CHN2: variants seen among roughly 807,000 people sequenced by gnomAD.
The protein encoded by CHN2 is chimerin 2, also known as beta-chimaerin.
Under a neutral mutation model 56.3 loss-of-function variants are expected in CHN2, and 35 were observed. The observed-to-expected ratio is 0.62, with a 90% CI of 0.47 to 0.82. The LOEUF (loss-of-function observed/expected upper bound fraction) is 0.82, where lower values mean the gene tolerates loss of function less well. Ranked by LOEUF, CHN2 falls within the 40% of genes least tolerant of loss-of-function variation. The pLI, the probability that CHN2 is intolerant of heterozygous loss-of-function variation, is 0.00. For synonymous variants in CHN2, 210 were observed against 212.8 expected (o/e 0.99, Z 0.12); for missense variants, 491 against 580.5 (o/e 0.85, Z 1.58).
intron 6 of CHN2, among the ~76,000 whole-genome samples, chr7:29,403,994 C>A (rs1029640186): frequency 6.6e-6 from 1 of 152,100 alleles, no homozygotes; most frequent in South Asian, 2.1e-4. Flanking sequence ...TTGCCAGGTC[C>A]GTAGGGCAGG....
Position 29,499,931 on chromosome 7 carries a change from CAA to C in CHN2, c.805_806del (p.Lys269GlufsTer9). 4 of 1,612,842 alleles carry C rather than the reference CAA, an allele frequency of 2.5e-6. No individual in the cohort carries two copies. The highest frequency in any genetic ancestry group is 3.4e-6 in the Non-Finnish European group (4 of 1,179,610). ...HVPNDCQPDL[K>X]RIKKVYCCDL... ...TTCCCAATGACTGCCAACCTGATCT[CAA>C]GAGGATCAAGAAAGTGTACTGTTGT... On this transcript the variant is annotated frameshift_variant, in exon 9 of 13. Transcript: ENST00000222792. LOFTEE classifies it high-confidence loss of function.
chr7:29,214,656 A>G (rs1785207276), intron 1 of CHN2, among the ~76,000 whole-genome samples: 2 of 152,218 alleles, frequency 1.3e-5, no homozygotes, highest in South Asian at 4.1e-4. Context: ...TCATTTCTGA[A>G]GATGATTAAT....
At chr7:29,266,310 A>G (rs1790141490) in intron 1 of CHN2, among the ~76,000 whole-genome samples, 1 of 152,226 alleles carries the variant, frequency 6.6e-6, no homozygotes, top group Non-Finnish European at 1.5e-5. Context: ...GTCAACACCG[A>G]CAAAGGGTCT....
chr7:29,454,690 C>T (rs1368615393), intron 6 of CHN2, among the ~76,000 whole-genome samples: 1 of 152,176 alleles, frequency 6.6e-6, no homozygotes, highest in Non-Finnish European at 1.5e-5. Flanking sequence ...AAAATGACAC[C>T]TATCACTATT....
chr7:29,276,827 G>T (rs1791261763), intron 1 of CHN2, among the ~76,000 whole-genome samples: 1 of 152,132 alleles, frequency 6.6e-6, no homozygotes, highest in African/African-American at 2.4e-5. Flanking sequence ...ACAGGTAGAG[G>T]ACTGGTATGG....
chr7:29,353,761 A>G (rs563941045), intron 1 of CHN2, among the ~76,000 whole-genome samples: 21 of 152,354 alleles, frequency 1.4e-4, no homozygotes, highest in African/African-American at 5.1e-4. Flanking sequence ...AAAGGTGCTG[A>G]ACTAGAGAAC....
intron 1 of CHN2, among the ~76,000 whole-genome samples, chr7:29,230,158 A>G (rs1194961697): frequency 1.3e-5 from 2 of 152,028 alleles, no homozygotes; most frequent in Non-Finnish European, 2.9e-5. Flanking sequence ...AAAATTGCCA[A>G]ATTTGCTTTA....
rs1358782226 is a variant in CHN2, at chr7:29,277,998, A to G, written c.50-76627A>G. ...GTAGAGGGGTTGAGTGTGTGCAGTC[A>G]TATAGCGAGTATGTGGTAGAGTGAA... On this transcript the variant is annotated intron_variant, in intron 1 of 12. Coordinates refer to ENST00000222792, the MANE Select transcript of CHN2 (RefSeq NM_004067.4). Among the ~76,000 whole-genome samples, 4 of 152,140 alleles carry G rather than the reference A, an allele frequency of 2.6e-5. No individual in the cohort carries two copies. In the East Asian group the frequency reaches 7.7e-4, roughly 29 times the overall value.
intron 4 of CHN2, among the ~76,000 whole-genome samples, chr7:29,395,544 G>T (rs1801677165): frequency 6.6e-6 from 1 of 152,042 alleles, no homozygotes; most frequent in Non-Finnish European, 1.5e-5. Context: ...CAATTAACTT[G>T]GAAAATTAGA....
intron 6 of CHN2, among the ~76,000 whole-genome samples, chr7:29,439,099 C>T (rs1452577701): frequency 6.6e-6 from 1 of 152,112 alleles, no homozygotes; most frequent in Non-Finnish European, 1.5e-5. Flanking sequence ...TGCTGTATAC[C>T]AGGCCTATTA....
At chr7:29,510,550 C>T (rs767427270) in intron 12 of CHN2, among the ~76,000 whole-genome samples, 1 of 152,214 alleles carries the variant, frequency 6.6e-6, no homozygotes, top group Non-Finnish European at 1.5e-5. Flanking sequence ...GGACTGAAGG[C>T]CTCACTCCCT....
chr7:29,263,389 T>G (rs891106977), intron 1 of CHN2, among the ~76,000 whole-genome samples: 1 of 152,098 alleles, frequency 6.6e-6, no homozygotes, highest in Non-Finnish European at 1.5e-5. Context: ...AACCTCCACC[T>G]CCCAGCCGCC....
At chr7:29,302,182 A>C (rs1163185464) in intron 1 of CHN2, among the ~76,000 whole-genome samples, 2 of 152,234 alleles carry the variant, frequency 1.3e-5, no homozygotes, top group Non-Finnish European at 2.9e-5. Flanking sequence ...TTGTGGTCAA[A>C]TATACATAAC....
intron 2 of CHN2, among the ~76,000 whole-genome samples, chr7:29,364,054 G>A (rs1238985993): frequency 6.6e-6 from 1 of 152,222 alleles, no homozygotes; most frequent in Admixed American, 6.5e-5. Context: ...GGAATCAAAA[G>A]GCTGTATGTT....
At chr7:29,437,484 G>C (rs1405209418) in intron 6 of CHN2, among the ~76,000 whole-genome samples, 1 of 131,096 alleles carries the variant, frequency 7.6e-6, no homozygotes, top group African/African-American at 3.3e-5. Flanking sequence ...TGTAGTCCCA[G>C]CTACTCGGGA....
At chr7:29,223,217 C>T (rs1258935822) in intron 1 of CHN2, among the ~76,000 whole-genome samples, 2 of 152,176 alleles carry the variant, frequency 1.3e-5, no homozygotes, top group Non-Finnish European at 2.9e-5. Flanking sequence ...GCTATTATCA[C>T]AGATTTTTGG....
intron 1 of CHN2, among the ~76,000 whole-genome samples, chr7:29,205,499 A>C (rs1411245460): frequency 6.6e-6 from 1 of 152,222 alleles, no homozygotes; most frequent in African/African-American, 2.4e-5. Context: ...ATTTGTGAAC[A>C]AAACCTAAAA....
intron 6 of CHN2, among the ~76,000 whole-genome samples, chr7:29,450,486 A>G (rs902442543): frequency 3.9e-5 from 6 of 152,170 alleles, no homozygotes; most frequent in Non-Finnish European, 7.3e-5. Flanking sequence ...GGGGAAGTGG[A>G]GCAGAGAAGG....
intron 1 of CHN2, among the ~76,000 whole-genome samples, chr7:29,245,273 G>C (rs913219638): frequency 6.6e-6 from 1 of 152,228 alleles, no homozygotes; most frequent in African/African-American, 2.4e-5. Flanking sequence ...CAAGCATCCA[G>C]TGTCCGTGGA....
Sources: gnomAD v4.1 joint callset for allele counts (sites outside exome capture counted in the v4.1 genomes callset) on GRCh38, gnomAD v4.1.1 for gene constraint, MANE v1.5 for transcripts, NCBI Gene and HGNC (gene_info 2026-07-23, HGNC 2026-07-21) for gene names.